STOX2: variants seen among roughly 807,000 people sequenced by gnomAD.
STOX2 encodes the protein storkhead-box protein 2.
In STOX2, 28 loss-of-function variants were observed where a neutral mutation model predicts 60.9. The observed-to-expected ratio is 0.46, with a 90% CI of 0.34 to 0.63. STOX2 has a LOEUF of 0.63. STOX2 is among the 30% of genes least tolerant of loss of function. The probability of loss-of-function intolerance (pLI) is 0.01; values close to 1 mark genes in which losing one functional copy is unlikely to be tolerated. For synonymous variants in STOX2, 472 were observed against 463.9 expected, an observed-to-expected ratio of 1.02 and a Z score of -0.22; for missense variants, 1,024 against 1,187.7, an observed-to-expected ratio of 0.86 and a Z score of 2.03.
rs1359915621 is a variant in STOX2, at chr4:184,001,523, G to A, written c.319+46G>A. ...CACTTTCCAGGTGGCGGTGTGCTGT[G>A]GTCGCTCTAGGACTCACGTGGACTG... On this transcript the variant is annotated intron_variant, in intron 2 of 3. Coordinates refer to ENST00000308497, the MANE Select transcript of STOX2 (RefSeq NM_020225.3). The surrounding 1 kb of genome is among the most constrained non-coding windows in gnomAD (Gnocchi z 4.2). 1 of 1,595,858 alleles carries A rather than the reference G, an allele frequency of 6.3e-7. No individual in the cohort carries two copies. Among genetic ancestry groups the A allele is most frequent in the African/African-American group, 1.3e-5 (1 of 74,796 alleles).
Position 183,821,791 on chromosome 4 carries a change from C to T in STOX2, c.364+23736C>T, listed in dbSNP as rs1739308742. Among the ~76,000 whole-genome samples, 1 of 152,244 alleles carries T rather than the reference C, an allele frequency of 6.6e-6. No individual in the cohort carries two copies. Among genetic ancestry groups the T allele is most frequent in the Non-Finnish European group, 1.5e-5 (1 of 68,050 alleles). ...TCCACATCCCTGCGGAGCACCCATC[C>T]CTGTCCCTGTTCCTGCCGGGCTGCA... On this transcript the variant is annotated intron_variant, in intron 1 of 2. Coordinates refer to the STOX2 transcript ENST00000513034. The surrounding 1 kb of genome is among the most constrained non-coding windows in gnomAD (Gnocchi z 4.2).
At chr4:183,829,334 G>A (rs1739513504) in intron 1 of STOX2, among the ~76,000 whole-genome samples, 1 of 152,182 alleles carries the variant, frequency 6.6e-6, no homozygotes, top group Admixed American at 6.5e-5. Context: ...AGTTGCAGTA[G>A]TAGCAGAAAG....
rs113715415 is a variant in STOX2, at chr4:183,842,846, T to TG, written c.364+44791_364+44792insG. 3.8e-3 allele frequency among the ~76,000 whole-genome samples: 574 copies of TG among 151,020 alleles called. 3 individuals are homozygous for TG. Among genetic ancestry groups the TG allele is most frequent in the African/African-American group, 0.013 (538 of 41,260 alleles). ...GAGTTTTAAATTCTTTTTTTTTTTT[T>TG]TTGAAATAAAAATGTTATTCAGGCC... On this transcript the variant is annotated intron_variant, in intron 1 of 2. Transcript: ENST00000513034.
chr4:183,946,554 G>A lies in STOX2; in HGVS notation c.166+39598G>A, dbSNP rs544734088. The stretch of plus-strand genomic sequence containing the variant: ...AAAATATTTGGAAAAAAAGGCGTTC[G>A]TGCTGAACACATATGGACTTTTTTT... On this transcript the variant is annotated intron_variant, in intron 1 of 3. Coordinates refer to ENST00000308497, the MANE Select transcript of STOX2 (RefSeq NM_020225.3). Among the ~76,000 whole-genome samples the A allele has an allele frequency of 1.3e-4, 19 of 151,900 alleles. 1 individual carries two copies. In the South Asian group the frequency reaches 3.7e-3, roughly 30 times the overall value.
chr4:183,904,543 A>C (rs17075136), upstream of STOX2, among the ~76,000 whole-genome samples: 1 of 152,128 alleles, frequency 6.6e-6, no homozygotes, highest in Non-Finnish European at 1.5e-5. Context: ...CCAATTAAAA[A>C]TAAAAACCAC....
At chr4:183,998,908 G>A (rs981466011) in intron 1 of STOX2, among the ~76,000 whole-genome samples, 3 of 152,022 alleles carry the variant, frequency 2.0e-5, no homozygotes, top group Admixed American at 6.6e-5. Context: ...TAATTCCAGC[G>A]CTTTAAGAGG....
intron 1 of STOX2, among the ~76,000 whole-genome samples, chr4:183,871,651 T>C (rs74985231): frequency 0.016 from 2,432 of 151,824 alleles, 64 homozygotes; most frequent in African/African-American, 0.056. Context: ...GCAAAACATA[T>C]GAAGTTTATT....
intron 1 of STOX2, among the ~76,000 whole-genome samples, chr4:183,874,048 G>A (rs1420933142): frequency 6.6e-6 from 1 of 152,200 alleles, no homozygotes; most frequent in African/African-American, 2.4e-5. Context: ...AGTGTGGCCT[G>A]TGGCTCCCAT....
chr4:183,819,102 G>GGGC (rs1739237473), intron 1 of STOX2, among the ~76,000 whole-genome samples: 1 of 151,310 alleles, frequency 6.6e-6, no homozygotes, highest in Admixed American at 6.6e-5. Flanking sequence ...CCCAGACGAT[G>GGGC]GGCGGCCAGG....
intron 1 of STOX2, among the ~76,000 whole-genome samples, chr4:183,858,256 C>T (rs528448304): frequency 1.3e-5 from 2 of 152,364 alleles, no homozygotes; most frequent in East Asian, 3.9e-4. Flanking sequence ...TCTGTTCCTC[C>T]AAGCTAAGTG....
intron 1 of STOX2, among the ~76,000 whole-genome samples, chr4:183,916,989 C>T (rs554067149): frequency 9.2e-5 from 14 of 152,328 alleles, no homozygotes; most frequent in Admixed American, 2.6e-4. Context: ...CTGAAATAAC[C>T]GACACATCTG....
chr4:183,919,619 G>GT (rs1401611483), intron 1 of STOX2, among the ~76,000 whole-genome samples: 1 of 152,094 alleles, frequency 6.6e-6, no homozygotes, highest in Non-Finnish European at 1.5e-5. Context: ...TATTGGGATT[G>GT]TTTTTTAAGA....
At chr4:183,848,692 G>A (rs1740042496) in intron 1 of STOX2, among the ~76,000 whole-genome samples, 1 of 152,236 alleles carries the variant, frequency 6.6e-6, no homozygotes, top group Non-Finnish European at 1.5e-5. Context: ...TACCTGCTCT[G>A]TCCTAACCAT....
intron 1 of STOX2, chr4:183,853,717 G>T (rs900933789): frequency 6.6e-6 from 1 of 152,148 alleles, no homozygotes; most frequent in African/African-American, 2.4e-5. Context: ...GACATCTTTG[G>T]CACCAAAGGA....
chr4:183,898,843 A>G (rs1741399407), intron 1 of STOX2, among the ~76,000 whole-genome samples: 1 of 152,236 alleles, frequency 6.6e-6, no homozygotes, highest in African/African-American at 2.4e-5. Flanking sequence ...TAGCTACATT[A>G]GCAAGAAGAA....
intron 1 of STOX2, among the ~76,000 whole-genome samples, chr4:183,986,770 G>A (rs953830881): frequency 6.6e-6 from 1 of 152,212 alleles, no homozygotes; most frequent in Non-Finnish European, 1.5e-5. Flanking sequence ...CAACTCACAG[G>A]GGGGCCTTTG....
chr4:183,905,698 A>C lies in STOX2; in HGVS notation c.-1093A>C, dbSNP rs1741573680. On this transcript the variant is annotated 5_prime_UTR_variant, in exon 1 of 4. Transcript: ENST00000308497. ...TCCCCGCGCCGCCGCCGGGTGTTTT[A>C]CATGAAAATGAGAAGCCTGATGGGA... 6.6e-6 allele frequency: 1 copy of C among 152,400 alleles called. No individual in the cohort carries two copies. The highest frequency in any genetic ancestry group is 6.5e-5 in the Admixed American group (1 of 15,290). The allele number at this position is 152,400 out of a possible 1,614,324, so 9.4% of individuals were successfully genotyped here.
chr4:183,810,533 G>A (rs1051248468), intron 1 of STOX2, among the ~76,000 whole-genome samples: 1 of 152,124 alleles, frequency 6.6e-6, no homozygotes, highest in Non-Finnish European at 1.5e-5. Context: ...GAAACATCAG[G>A]GGTGCTGTGG....
rs547865198 is a variant in STOX2 at position 183,815,234 on chromosome 4, C to G, written c.364+17179C>G. Among the ~76,000 whole-genome samples, 136 of 151,990 alleles carry G rather than the reference C, an allele frequency of 8.9e-4. 1 individual carries two copies. Among genetic ancestry groups the G allele is most frequent in the African/African-American group, 3.2e-3 (132 of 41,436 alleles). Reference sequence around the variant, plus strand: ...TGGTCTCCAACTCAAGCGATCCTCCCGTCTCAGCCTCCCAATGTGCTGGGA... The same window carrying G: ...TGGTCTCCAACTCAAGCGATCCTCCGGTCTCAGCCTCCCAATGTGCTGGGA... On this transcript the variant is annotated intron_variant, in intron 1 of 2. Transcript: ENST00000513034.
Sources: allele counts gnomAD v4.1 joint callset (sites outside exome capture counted in the v4.1 genomes callset), GRCh38; gene constraint gnomAD v4.1.1; non-coding constraint Gnocchi (gnomAD v3.1); transcripts MANE v1.5; gene names NCBI Gene and HGNC (gene_info 2026-07-23, HGNC 2026-07-21).